Variants in CCDC154 observed in about 807,000 individuals in gnomAD.
The protein encoded by CCDC154 is coiled-coil domain containing 154.
CCDC154 carries 91 observed loss-of-function variants against 87.5 expected under a neutral mutation model. The observed-to-expected ratio is 1.04, with a 90% CI of 0.88 to 1.24. CCDC154 has a LOEUF of 1.24. Ranked by LOEUF, CCDC154 falls within the 50% of genes most tolerant of loss-of-function variation. CCDC154 has a pLI of 0.00. For synonymous variants in CCDC154, 418 were observed against 400.4 expected, an observed-to-expected ratio of 1.04 and a Z score of -0.52; for missense variants, 903 against 879.2, an observed-to-expected ratio of 1.03 and a Z score of -0.34.
At position 1,443,499 on chromosome 16, in the gene CCDC154, C is replaced by T. The variant is rs1302153166; in HGVS notation, c.414+7G>A. 5 of 1,455,244 alleles carry T rather than the reference C, an allele frequency of 3.4e-6. No homozygotes were observed. The highest frequency in any genetic ancestry group is 2.5e-5 in the East Asian group (1 of 39,400). The allele number at this position is 1,455,244 out of a possible 1,614,324, so 90.1% of individuals were successfully genotyped here. ...CAGCTCGACCTGTGGGTGGGGGAGC[C>T]GCTCACCTCCGGCGCCTCCTTTTCG... On this transcript the variant is annotated splice_region_variant and intron_variant, in intron 3 of 16. Transcript: ENST00000389176.
At chr16:1,438,385 G>T (rs1051413205) in intron 9 of CCDC154, 10 of 753,730 alleles carry the variant, frequency 1.3e-5, no homozygotes, top group African/African-American at 7.1e-5. Context: ...CAAGACAGGG[G>T]TTCCCTCCCC....
chr16:1,438,466 G>A, intron 9 of CCDC154, 153 bp downstream of exon 9: 1 of 790,240 alleles, frequency 1.3e-6, no homozygotes, highest in Non-Finnish European at 2.0e-6. Flanking sequence ...GAGGGAGGAG[G>A]GTTCGCACCA....
Position 1,443,489 on chromosome 16 carries a change from GT to G in CCDC154, c.414+16del, listed in dbSNP as rs754654081. 4.3e-4 allele frequency: 617 copies of G among 1,429,500 alleles called. 6 individuals are homozygous for G. The South Asian group carries it at 4.5e-3, about 11-fold the overall frequency. 88.6% of individuals were successfully genotyped at this position (1,429,500 alleles called of 1,614,324 possible). On this transcript the variant is annotated intron_variant, in intron 3 of 16. Transcript: ENST00000389176. ...AGGAAAGGGGCAGCTCGACCTGTGG[GT>G]GGGGGAGCCGCTCACCTCCGGCGCC...
At chr16:1,441,864 C>A (rs2038554978) in intron 6 of CCDC154, among the ~76,000 whole-genome samples, 1 of 151,926 alleles carries the variant, frequency 6.6e-6, no homozygotes, top group East Asian at 1.9e-4. Context: ...CTCGGCCTCC[C>A]AAAAGTGCTG....
chr16:1,435,257 G>A, intron 14 of CCDC154, 82 bp from the exon 15 acceptor site: 1 of 1,242,340 alleles, frequency 8.0e-7, no homozygotes, highest in Non-Finnish European at 1.1e-6. Context: ...GATATCCACT[G>A]TTGAGTGCTT....
intron 4 of CCDC154, 96 bp from the exon 5 acceptor site, chr16:1,443,071 A>G: frequency 2.1e-6 from 3 of 1,457,712 alleles, no homozygotes; most frequent in Non-Finnish European, 2.8e-6. Context: ...GCCACCTCCC[A>G]TGGCTTTCCT....
chr16:1,441,636 C>A (rs1322790774), intron 6 of CCDC154, among the ~76,000 whole-genome samples: 1 of 152,132 alleles, frequency 6.6e-6, no homozygotes, highest in Non-Finnish European at 1.5e-5. Context: ...CGAGAGTGGC[C>A]GTGGAAGGGG....
chr16:1,437,258 C>T (rs1278379336), intron 11 of CCDC154: 2 of 203,616 alleles, frequency 9.8e-6, no homozygotes, highest in Non-Finnish European at 9.9e-6. Flanking sequence ...TGGGTGTCAC[C>T]GCCACAGCGG....
intron 4 of CCDC154, 77 bp downstream of exon 4, chr16:1,443,184 C>T (rs909707123): frequency 1.3e-6 from 2 of 1,496,032 alleles, no homozygotes; most frequent in African/African-American, 1.4e-5. Context: ...GATGTGGACC[C>T]CCCACCACAC....
intron 6 of CCDC154, among the ~76,000 whole-genome samples, chr16:1,441,526 G>T (rs952541494): frequency 6.6e-6 from 1 of 152,184 alleles, no homozygotes; most frequent in African/African-American, 2.4e-5. Flanking sequence ...CACAGCAGGA[G>T]GGGGAGCCAC....
At chr16:1,435,049 G>A in intron 15 of CCDC154, 40 bp downstream of exon 15, 1 of 1,531,586 alleles carries the variant, frequency 6.5e-7, no homozygotes, top group Non-Finnish European at 8.8e-7. Context: ...GAGGGAGCGG[G>A]TGGGAGCTGG....
intron 6 of CCDC154, 128 bp from the exon 7 acceptor site, chr16:1,439,254 G>T: frequency 1.2e-6 from 1 of 836,890 alleles, no homozygotes; most frequent in Non-Finnish European, 1.9e-6. Context: ...GGCTGAGCTG[G>T]GCCTGCCACA....
rs1029931859 is a variant in CCDC154 at position 1,438,037 on chromosome 16, G to A, written c.1152+13C>T. ...GGAGACCCCGTTGGGGACATGTTGC[G>A]CTACCCCCTCACCAGCACCAGCTCT... is the stretch of plus-strand genomic sequence containing the variant. On this transcript the variant is annotated intron_variant, in intron 10 of 16. Coordinates refer to ENST00000389176, the MANE Select transcript of CCDC154 (RefSeq NM_001143980.3). 9 of 1,545,834 alleles carry A rather than the reference G, an allele frequency of 5.8e-6. No homozygotes were observed. The highest frequency in any genetic ancestry group is 4.1e-5 in the African/African-American group (3 of 72,952).
In CCDC154 at chr16:1,444,429, G is replaced by A. The variant is rs2142359418; in HGVS notation, c.-107C>T. ...AGGCCAGGGGGGTCAGGAGCCAGAGGAAGTCCCGTGAGAGCTCTGGGCCTT... is the reference window on the plus strand; with the variant it reads ...AGGCCAGGGGGGTCAGGAGCCAGAGAAAGTCCCGTGAGAGCTCTGGGCCTT... On this transcript the variant is annotated 5_prime_UTR_variant, in exon 1 of 17. Transcript: ENST00000389176. The A allele has an allele frequency of 8.7e-7, 1 of 1,144,308 alleles. No individual in the cohort carries two copies. The highest frequency in any genetic ancestry group is 1.1e-6 in the Non-Finnish European group (1 of 880,876). 70.9% of individuals were successfully genotyped at this position (1,144,308 alleles called of 1,614,324 possible). A position where few individuals can be genotyped will look rare whatever the true frequency, so the allele number is the denominator to read the frequency against.
At chr16:1,434,981 C>A (rs1014012647) in intron 15 of CCDC154, 108 bp downstream of exon 15, 6 of 1,425,620 alleles carry the variant, frequency 4.2e-6, no homozygotes, top group Admixed American at 2.2e-5. Context: ...CATGGCCAGA[C>A]ACTTGGACAG....
intron 11 of CCDC154, chr16:1,437,018 G>A (rs3829564): frequency 0.081 from 55,277 of 681,638 alleles, 3,638 homozygotes; most frequent in African/African-American, 0.28. Flanking sequence ...CTGGGCAGCC[G>A]AGGGCCCGTG....
intron 11 of CCDC154, chr16:1,437,154 C>T (rs904522242): frequency 8.9e-6 from 3 of 337,516 alleles, no homozygotes; most frequent in African/African-American, 4.2e-5. Context: ...GAGCGGGAAC[C>T]GGGGGGCGGC....
At position 1,434,745 on chromosome 16, in the gene CCDC154, C is replaced by T. The variant is rs541517548; in HGVS notation, c.1800G>A (p.Arg600=). The T allele has an allele frequency of 2.6e-6, 4 of 1,545,924 alleles. No homozygotes were observed. The highest frequency in any genetic ancestry group is 2.6e-6 in the Non-Finnish European group (3 of 1,146,804). The change falls in exon 16 of 17, where the codon AGG becomes AGA. Residue 600 remains arginine (R), a synonymous_variant. Transcript: ENST00000389176. ...CCATGTCCTTGATGAAGACCCGCGG[C>T]CTCACCAGGGATGGGAGCGCCTTCC... is the stretch of plus-strand genomic sequence containing the variant. ...GSWKALPSLV[R]PRVFIKDMAP...
intron 15 of CCDC154, 95 bp from the exon 16 acceptor site, chr16:1,434,947 A>C: frequency 7.0e-7 from 1 of 1,426,010 alleles, no homozygotes. Context: ...CCTGGAAGCC[A>C]TTTATCTTCA....
Sources: gnomAD v4.1 joint callset for allele counts (sites outside exome capture counted in the v4.1 genomes callset) on GRCh38, gnomAD v4.1.1 for gene constraint, MANE v1.5 for transcripts, NCBI Gene and HGNC (gene_info 2026-07-23, HGNC 2026-07-21) for gene names.